The following OPCML variants were observed in gnomAD, a reference collection of about 807,000 sequenced individuals.
OPCML encodes opioid-binding protein/cell adhesion molecule.
OPCML carries 13 observed loss-of-function variants against 37.8 expected under a neutral mutation model. The ratio of observed to expected loss-of-function variants is 0.34; its 90% CI spans 0.22 to 0.55. OPCML has a LOEUF of 0.55. OPCML is among the 20% of genes least tolerant of loss of function. The pLI is 0.91. For missense variants in OPCML, 341 were observed against 435.6 expected, an observed-to-expected ratio of 0.78 and a Z score of 1.93; for synonymous variants, 176 against 168.8, an observed-to-expected ratio of 1.04 and a Z score of -0.33.
intron 2 of OPCML, among the ~76,000 whole-genome samples, chr11:132,894,648 C>T (rs898856937): frequency 6.6e-6 from 1 of 152,184 alleles, no homozygotes; most frequent in Non-Finnish European, 1.5e-5. Context: ...TGGAGAAGAT[C>T]CACCCTCAGT....
chr11:132,548,107 C>T (rs1257819771), intron 3 of OPCML, among the ~76,000 whole-genome samples: 1 of 152,128 alleles, frequency 6.6e-6, no homozygotes, highest in Admixed American at 6.5e-5. Context: ...CTGTGTGTGC[C>T]TGTGGAGACT....
intron 1 of OPCML, chr11:133,067,720 C>T (rs1948461800): frequency 6.6e-6 from 1 of 152,178 alleles, no homozygotes; most frequent in South Asian, 2.1e-4. Flanking sequence ...TTCTTGTTGC[C>T]TCTTTCACTG....
At chr11:132,513,069 C>T (rs958899601) in intron 4 of OPCML, among the ~76,000 whole-genome samples, 3 of 152,006 alleles carry the variant, frequency 2.0e-5, no homozygotes, top group Admixed American at 6.6e-5. Flanking sequence ...CTTCTCAAAC[C>T]TCATTACATA....
intron 2 of OPCML, among the ~76,000 whole-genome samples, chr11:132,936,037 G>T (rs1945358912): frequency 6.6e-6 from 1 of 152,158 alleles, no homozygotes; most frequent in Admixed American, 6.5e-5. Flanking sequence ...GTGTCATGTT[G>T]CTCAGTGTTT....
At chr11:133,484,820 A>C (rs1381835193) in intron 1 of OPCML, among the ~76,000 whole-genome samples, 2 of 152,156 alleles carry the variant, frequency 1.3e-5, no homozygotes, top group East Asian at 3.8e-4. Context: ...TAAAATATAA[A>C]GGGAAATTAC....
At chr11:133,044,536 C>A (rs147342468) in intron 1 of OPCML, among the ~76,000 whole-genome samples, 5 of 152,094 alleles carry the variant, frequency 3.3e-5, no homozygotes, top group African/African-American at 7.2e-5. Context: ...AGGCCGAGGG[C>A]GAGCAGCCAG....
intron 1 of OPCML, chr11:133,067,393 G>C (rs892896455): frequency 5.3e-5 from 8 of 152,186 alleles, no homozygotes; most frequent in African/African-American, 1.7e-4. Context: ...CAGCGTGCTA[G>C]AACAGAGAAT....
At chr11:132,473,596 T>C (rs1317501037) in intron 4 of OPCML, among the ~76,000 whole-genome samples, 2 of 151,930 alleles carry the variant, frequency 1.3e-5, no homozygotes, top group East Asian at 1.9e-4. Context: ...GAGGCCGAGG[T>C]GGGAAAATCA....
At chr11:132,473,006 C>A (rs749576) in intron 4 of OPCML, among the ~76,000 whole-genome samples, 1 of 152,166 alleles carries the variant, frequency 6.6e-6, no homozygotes, top group African/African-American at 2.4e-5. Context: ...TGCAAACTAG[C>A]GAGCCAGCTC....
intron 1 of OPCML, among the ~76,000 whole-genome samples, chr11:133,061,104 A>G (rs545761478): frequency 1.3e-5 from 2 of 152,332 alleles, no homozygotes; most frequent in South Asian, 4.1e-4. Context: ...GGGTTTAAGC[A>G]GTCCTCCTGC....
At chr11:133,483,283 G>T (rs1464954477) in intron 1 of OPCML, among the ~76,000 whole-genome samples, 1 of 140,778 alleles carries the variant, frequency 7.1e-6, no homozygotes, top group Admixed American at 7.1e-5. Flanking sequence ...ATTGTAGTTG[G>T]AAATGCGCAC....
At chr11:133,189,233 A>T (rs1393119669) in intron 1 of OPCML, among the ~76,000 whole-genome samples, 1 of 152,216 alleles carries the variant, frequency 6.6e-6, no homozygotes, top group African/African-American at 2.4e-5. Context: ...CAGAACCTGG[A>T]TAAAGAAATA....
chr11:132,683,245 A>G (rs1943029122), intron 2 of OPCML, among the ~76,000 whole-genome samples: 2 of 152,288 alleles, frequency 1.3e-5, no homozygotes, highest in South Asian at 4.2e-4. Context: ...CATAAAAATT[A>G]AAAAATTAAT....
chr11:132,976,345 TG>T (rs1458454208), intron 1 of OPCML, among the ~76,000 whole-genome samples: 2 of 152,190 alleles, frequency 1.3e-5, no homozygotes, highest in Non-Finnish European at 2.9e-5. Context: ...TCTCAGTTCC[TG>T]TTCTCTTAAT....
chr11:133,010,625 T>C (rs1292929224), intron 1 of OPCML, among the ~76,000 whole-genome samples: 4 of 152,216 alleles, frequency 2.6e-5, no homozygotes, highest in Non-Finnish European at 4.4e-5. Flanking sequence ...ATCTTTAGCC[T>C]TATCCTTTTT....
In OPCML at chr11:132,657,127, G is replaced by T; in HGVS notation, c.339C>A (p.Asp113Glu). 6.2e-7 allele frequency: 1 copy of T among 1,614,234 alleles called. No individual in the cohort carries two copies. The highest frequency in any genetic ancestry group is 8.5e-7 in the Non-Finnish European group (1 of 1,180,044). The part of the protein sequence containing the change: ...EGPYTCSVQT[D>E]NHPKTSRVHL... ...GAACCCGGGACGTTTTGGGATGATT[G>T]TCTGTCTGCACAGAGCAGGTGTACG... is the stretch of plus-strand genomic sequence containing the variant. The change falls in exon 3 of 8, where the codon GAC (aspartate) becomes GAA (glutamate). Residue 113 changes from aspartate to glutamate, a missense_variant. Physicochemically the swap from Asp to Glu is conservative, Grantham distance 45. Transcript: ENST00000524381.
chr11:133,334,806 T>C (rs1035678717), intron 1 of OPCML, among the ~76,000 whole-genome samples: 1 of 152,204 alleles, frequency 6.6e-6, no homozygotes, highest in South Asian at 2.1e-4. Context: ...TAACTTGCAA[T>C]CTTCTGGATC....
intron 1 of OPCML, among the ~76,000 whole-genome samples, chr11:132,977,041 C>T (rs12417995): frequency 0.021 from 3,175 of 152,276 alleles, 78 homozygotes; most frequent in Admixed American, 0.077. Flanking sequence ...CCTGCCTGCA[C>T]GACACTGGGT....
At chr11:132,750,172 A>G (rs1425251449) in intron 2 of OPCML, among the ~76,000 whole-genome samples, 3 of 152,230 alleles carry the variant, frequency 2.0e-5, no homozygotes, top group Non-Finnish European at 4.4e-5. Context: ...GGTAGAAGTC[A>G]TCAGTGTCAT....
Sources: gnomAD v4.1 joint callset for allele counts (sites outside exome capture counted in the v4.1 genomes callset) on GRCh38, gnomAD v4.1.1 for gene constraint, MANE v1.5 for transcripts, NCBI Gene and HGNC (gene_info 2026-07-23, HGNC 2026-07-21) for gene names.